MTHFD2L: variants seen among roughly 807,000 people sequenced by gnomAD.
MTHFD2L encodes methylenetetrahydrofolate dehydrogenase (NADP+ dependent) 2 like.
A neutral mutation model predicts 34.9 loss-of-function variants in MTHFD2L; 29 were observed. The ratio of observed to expected loss-of-function variants is 0.83; its 90% confidence interval spans 0.62 to 1.13. MTHFD2L has a LOEUF of 1.13. MTHFD2L is among the 50% of genes most tolerant of loss of function. The pLI is 0.00. For missense variants in MTHFD2L, 481 were observed against 446.5 expected (o/e 1.08, Z -0.70); for synonymous variants, 167 against 155.7 (o/e 1.07, Z -0.54).
At chr4:74,157,937 C>G (rs1283831783), upstream of MTHFD2L, 3 of 837,986 alleles carry the variant, frequency 3.6e-6, no homozygotes, top group Admixed American at 2.0e-5. Context: ...GGCCCCGCCC[C>G]CTGCGGACCC....
At chr4:74,143,119 C>T (rs1365437368) in intron 1 of MTHFD2L, among the ~76,000 whole-genome samples, 2 of 151,874 alleles carry the variant, frequency 1.3e-5, no homozygotes, top group Non-Finnish European at 2.9e-5. Flanking sequence ...CATTAAGGAC[C>T]TCTTCAAATA....
intron 1 of MTHFD2L, among the ~76,000 whole-genome samples, chr4:74,141,231 C>T (rs1046710080): frequency 6.6e-6 from 1 of 152,038 alleles, no homozygotes; most frequent in Admixed American, 6.6e-5. Flanking sequence ...CAGCAAGAAT[C>T]GAGATAATTG....
At chr4:74,243,159 A>T (rs987040577) in intron 6 of MTHFD2L, among the ~76,000 whole-genome samples, 19 of 152,240 alleles carry the variant, frequency 1.2e-4, no homozygotes, top group Non-Finnish European at 4.4e-5. Flanking sequence ...CAGCTGCCAT[A>T]TGCTTTTTAA....
upstream of MTHFD2L, among the ~76,000 whole-genome samples, chr4:74,153,555 T>C (rs1425902863): frequency 6.6e-6 from 1 of 152,224 alleles, no homozygotes; most frequent in Non-Finnish European, 1.5e-5. Flanking sequence ...ATTTGTTGAG[T>C]AGGTATTAGA....
intron 5 of MTHFD2L, among the ~76,000 whole-genome samples, chr4:74,213,547 G>A (rs1736695558): frequency 6.6e-6 from 1 of 152,172 alleles, no homozygotes; most frequent in African/African-American, 2.4e-5. Context: ...CTGGCCTGTA[G>A]TGTTTCTGCA....
At chr4:74,130,693 C>A (rs1390414714) in intron 1 of MTHFD2L, among the ~76,000 whole-genome samples, 1 of 152,180 alleles carries the variant, frequency 6.6e-6, no homozygotes, top group African/African-American at 2.4e-5. Flanking sequence ...AGGATGCCCT[C>A]TCTCACCACT....
intron 7 of MTHFD2L, among the ~76,000 whole-genome samples, chr4:74,288,619 G>T (rs994882328): frequency 1.3e-5 from 2 of 152,092 alleles, no homozygotes; most frequent in African/African-American, 2.4e-5. Flanking sequence ...GGACAATCTC[G>T]TCATTGTCTG....
chr4:74,147,206 T>C (rs376472135), intron 1 of MTHFD2L, among the ~76,000 whole-genome samples: 1 of 152,252 alleles, frequency 6.6e-6, no homozygotes, highest in East Asian at 1.9e-4. Context: ...GGAAGTTCTT[T>C]TCTTTTTTTT....
At chr4:74,219,668 A>G (rs2110106188) in intron 5 of MTHFD2L, among the ~76,000 whole-genome samples, 4 of 152,270 alleles carry the variant, frequency 2.6e-5, no homozygotes, top group Admixed American at 2.6e-4. Flanking sequence ...CTCACCAGCA[A>G]AGGTCAGAAG....
intron 7 of MTHFD2L, among the ~76,000 whole-genome samples, chr4:74,284,703 G>A (rs945836558): frequency 6.6e-6 from 1 of 152,012 alleles, no homozygotes; most frequent in Non-Finnish European, 1.5e-5. Flanking sequence ...AACAGGTGCT[G>A]GAGAGGATAT....
intron 1 of MTHFD2L, among the ~76,000 whole-genome samples, chr4:74,159,628 C>T (rs930022656): frequency 6.6e-6 from 1 of 152,194 alleles, no homozygotes; most frequent in Non-Finnish European, 1.5e-5. Flanking sequence ...ACAACAGTTA[C>T]AACCCCAAAA....
intron 1 of MTHFD2L, among the ~76,000 whole-genome samples, chr4:74,136,544 A>G (rs1351011258): frequency 6.6e-6 from 1 of 152,116 alleles, no homozygotes; most frequent in Non-Finnish European, 1.5e-5. Flanking sequence ...TAATATGACA[A>G]TACTACCCCA....
At chr4:74,252,328 C>T (rs911572466) in intron 6 of MTHFD2L, among the ~76,000 whole-genome samples, 2 of 151,266 alleles carry the variant, frequency 1.3e-5, no homozygotes, top group Non-Finnish European at 2.9e-5. Context: ...CGGCAAGAGA[C>T]CAGGATCCTG....
chr4:74,154,068 T>A (rs1046469641), upstream of MTHFD2L, among the ~76,000 whole-genome samples: 2 of 152,226 alleles, frequency 1.3e-5, no homozygotes, highest in African/African-American at 4.8e-5. Flanking sequence ...TTTGATTGTC[T>A]TTACAGTTTT....
rs79326073 is a variant in MTHFD2L at position 74,299,706 on chromosome 4, C to G, written c.932-1991C>G. Among the ~76,000 whole-genome samples, 1,349 of 152,108 alleles carry G rather than the reference C, an allele frequency of 8.9e-3. 28 individuals are homozygous for G. The highest frequency in any genetic ancestry group is 0.068 in the South Asian group (327 of 4,822). On this transcript the variant is annotated intron_variant, in intron 7 of 7. Coordinates refer to ENST00000325278, the MANE Select transcript of MTHFD2L (RefSeq NM_001144978.3). ...AGTAAGGGCAATTTAAGTTCACTTT[C>G]TCAAAATCTGCTTAGTGCCTAACCT... is the stretch of plus-strand genomic sequence containing the variant.
intron 1 of MTHFD2L, among the ~76,000 whole-genome samples, chr4:74,168,951 C>T (rs1727324939): frequency 6.6e-6 from 1 of 152,204 alleles, no homozygotes; most frequent in African/African-American, 2.4e-5. Flanking sequence ...TCTTCCAGCA[C>T]ATGGACCAAT....
intron 5 of MTHFD2L, among the ~76,000 whole-genome samples, chr4:74,205,030 A>G (rs910194323): frequency 5.9e-5 from 9 of 152,246 alleles, no homozygotes; most frequent in African/African-American, 1.9e-4. Context: ...AAACCAGATA[A>G]TTAAACTTAC....
intron 6 of MTHFD2L, among the ~76,000 whole-genome samples, chr4:74,269,388 T>G (rs962453852): frequency 6.6e-6 from 1 of 152,090 alleles, no homozygotes; most frequent in African/African-American, 2.4e-5. Flanking sequence ...CATATGCTAC[T>G]GAATGACTCA....
At chr4:74,220,411 G>A (rs892255602) in intron 5 of MTHFD2L, among the ~76,000 whole-genome samples, 4 of 151,806 alleles carry the variant, frequency 2.6e-5, no homozygotes, top group East Asian at 1.9e-4. Flanking sequence ...CCTTTTCAAA[G>A]TTTTCCTAAT....
Sources: gnomAD v4.1 joint callset for allele counts (sites outside exome capture counted in the v4.1 genomes callset) on GRCh38, gnomAD v4.1.1 for gene constraint, MANE v1.5 for transcripts, NCBI Gene and HGNC (gene_info 2026-07-23, HGNC 2026-07-21) for gene names.